Variants in ANXA8 observed in about 807,000 individuals in gnomAD.
ANXA8 encodes VAC-beta.
ANXA8 carries 9 observed loss-of-function variants against 26.8 expected under a neutral mutation model. The observed-to-expected ratio is 0.34, with a 90% CI of 0.20 to 0.59. The LOEUF is 0.59. Ranked by LOEUF, ANXA8 falls within the 20% of genes least tolerant of loss-of-function variation. The pLI is 0.84. For synonymous variants in ANXA8, 39 were observed against 94.8 expected, an observed-to-expected ratio of 0.41 and a Z score of 3.42; for missense variants, 83 against 238.5, an observed-to-expected ratio of 0.35 and a Z score of 4.29.
chr10:47,644,199 C>A, the ANXA8 span, among the ~76,000 whole-genome samples: 10 of 146,626 alleles, frequency 6.8e-5, no homozygotes, highest in African/African-American at 2.7e-4. Context: ...AAAAACTGCA[C>A]GTCCAGGATA....
the ANXA8 span, among the ~76,000 whole-genome samples, chr10:47,705,021 T>G: frequency 6.6e-6 from 1 of 152,094 alleles, no homozygotes; most frequent in Non-Finnish European, 1.5e-5. Flanking sequence ...ATGCCAGCAC[T>G]TTGGGAGGCC....
the ANXA8 span, among the ~76,000 whole-genome samples, chr10:47,666,381 A>G: frequency 6.6e-6 from 1 of 150,958 alleles, no homozygotes; most frequent in South Asian, 2.1e-4. Flanking sequence ...ACTGACAGCC[A>G]GCGTTGCTAT....
At chr10:47,508,125 T>C in the ANXA8 span, among the ~76,000 whole-genome samples, 1 of 119,280 alleles carries the variant, frequency 8.4e-6, no homozygotes, top group African/African-American at 3.1e-5. Flanking sequence ...AGTGCAATGG[T>C]GTGATCTCGG....
chr10:47,970,950 C>G, the ANXA8 span, among the ~76,000 whole-genome samples: 6 of 151,328 alleles, frequency 4.0e-5, no homozygotes, highest in African/African-American at 1.5e-4. Flanking sequence ...TGACCCCCAC[C>G]AGGAGTGGCC....
At chr10:47,536,557 A>G in the ANXA8 span, among the ~76,000 whole-genome samples, 2 of 127,180 alleles carry the variant, frequency 1.6e-5, no homozygotes, top group Non-Finnish European at 3.1e-5. Context: ...ATATATAAAT[A>G]TATATATACA....
chr10:47,954,958 G>T, the ANXA8 span, among the ~76,000 whole-genome samples: 1 of 149,972 alleles, frequency 6.7e-6, no homozygotes, highest in East Asian at 2.1e-4. Context: ...ATGAGTGAAA[G>T]GAGCCCACAC....
chr10:47,671,601 A>G, the ANXA8 span, among the ~76,000 whole-genome samples: 9 of 151,818 alleles, frequency 5.9e-5, no homozygotes, highest in African/African-American at 1.9e-4. Context: ...AATCTTATTC[A>G]TTGTTGTGTC....
the ANXA8 span, chr10:47,551,936 T>C: frequency 1.3e-5 from 13 of 980,876 alleles, no homozygotes; most frequent in Non-Finnish European, 1.7e-5. Flanking sequence ...TATTTACCAA[T>C]AACAAGTAAC....
At chr10:47,940,666 A>G in the ANXA8 span, among the ~76,000 whole-genome samples, 7 of 147,908 alleles carry the variant, frequency 4.7e-5, no homozygotes, top group Non-Finnish European at 1.5e-5. Context: ...CGTCTCTACT[A>G]CAAATACAAA....
the ANXA8 span, among the ~76,000 whole-genome samples, chr10:47,581,922 A>T: frequency 2.0e-5 from 3 of 150,040 alleles, no homozygotes; most frequent in Admixed American, 2.0e-4. Context: ...TTTATTTCTA[A>T]TTAAAACCCA....
At chr10:47,975,898 A>G in the ANXA8 span, among the ~76,000 whole-genome samples, 1 of 142,790 alleles carries the variant, frequency 7.0e-6, no homozygotes, top group Non-Finnish European at 1.6e-5. Flanking sequence ...CTGGTTAGGA[A>G]ACCTGAACTA....
chr10:47,973,841 G>A, the ANXA8 span, among the ~76,000 whole-genome samples: 4 of 151,148 alleles, frequency 2.6e-5, no homozygotes. Context: ...CAGTAGGATT[G>A]GTACCAGTTC....
the ANXA8 span, among the ~76,000 whole-genome samples, chr10:47,495,001 A>C: frequency 5.3e-5 from 8 of 151,492 alleles, no homozygotes; most frequent in African/African-American, 2.0e-4. Context: ...TGCAGCCATC[A>C]GTAGAAAGAT....
the ANXA8 span, among the ~76,000 whole-genome samples, chr10:47,951,113 A>T: frequency 6.7e-6 from 1 of 150,032 alleles, no homozygotes; most frequent in Non-Finnish European, 1.5e-5. Context: ...AGGGAATAAA[A>T]ATTACAGACT....
At chr10:47,530,625 A>G in the ANXA8 span, among the ~76,000 whole-genome samples, 2 of 151,090 alleles carry the variant, frequency 1.3e-5, no homozygotes, top group Non-Finnish European at 2.9e-5. Context: ...CCCGGGAGGC[A>G]GAGGTTGCAG....
chr10:47,665,555 A>G, the ANXA8 span, among the ~76,000 whole-genome samples: 3 of 150,312 alleles, frequency 2.0e-5, no homozygotes, highest in African/African-American at 5.0e-5. Flanking sequence ...AGCTCCTGAT[A>G]GAAGGCAGGT....
At chr10:47,769,090 A>C in the ANXA8 span, among the ~76,000 whole-genome samples, 68 of 144,642 alleles carry the variant, frequency 4.7e-4, 2 homozygotes, top group South Asian at 8.7e-3. Flanking sequence ...AGTGGAAGGA[A>C]GTAGGAGGTG....
the ANXA8 span, chr10:47,690,909 A>G: frequency 6.2e-7 from 1 of 1,611,458 alleles, no homozygotes; most frequent in Non-Finnish European, 8.5e-7. Flanking sequence ...TAGCTAAGAA[A>G]ATGAAGTTGA....
chr10:47,953,970 T>G, the ANXA8 span, among the ~76,000 whole-genome samples: 1 of 150,060 alleles, frequency 6.7e-6, no homozygotes, highest in Non-Finnish European at 1.5e-5. Flanking sequence ...GCCACTAGGA[T>G]GAACAGTATG....
Sources: allele counts gnomAD v4.1 joint callset (sites outside exome capture counted in the v4.1 genomes callset), GRCh38; gene constraint gnomAD v4.1.1; transcripts MANE v1.5; gene names NCBI Gene and HGNC (gene_info 2026-07-23, HGNC 2026-07-21).